The following NRXN1 variants were observed in gnomAD, a reference collection of about 807,000 sequenced individuals.
NRXN1 encodes the protein neurexin-1.
A neutral mutation model predicts 150.9 loss-of-function variants in NRXN1; 39 were observed. The ratio of observed to expected loss-of-function variants is 0.26; its 90% CI spans 0.20 to 0.34. The LOEUF is 0.34. Among genes scored for constraint, NRXN1 ranks in the 10% least tolerant of loss-of-function variants. The probability of loss-of-function intolerance (pLI) is 1.00; values close to 1 mark genes in which losing one functional copy is unlikely to be tolerated. For synonymous variants in NRXN1, 924 were observed against 757.0 expected, an observed-to-expected ratio of 1.22 and a Z score of -3.62; for missense variants, 1,815 against 1,949.9, an observed-to-expected ratio of 0.93 and a Z score of 1.30.
At chr2:50,694,369 G>C (rs985752641) in intron 5 of NRXN1, among the ~76,000 whole-genome samples, 1 of 151,992 alleles carries the variant, frequency 6.6e-6, no homozygotes, top group African/African-American at 2.4e-5. Flanking sequence ...TTAATGTATG[G>C]GTGAATATAT....
chr2:50,433,392 C>G (rs962902629), intron 17 of NRXN1, among the ~76,000 whole-genome samples: 2 of 152,112 alleles, frequency 1.3e-5, no homozygotes, highest in Non-Finnish European at 2.9e-5. Context: ...CATGTATGTT[C>G]TGTACTCAGC....
Position 50,531,414 on chromosome 2 carries a change from G to A in NRXN1, c.2160C>T (p.Ser720=). 1 of 1,611,128 alleles carries A rather than the reference G, an allele frequency of 6.2e-7. No individual in the cohort carries two copies. Reference sequence around the variant, plus strand: ...TTTTCATAAACATGCTCCCATCATAGCTCAAAACCGTTGCCTCTAGAGATG... The same window carrying A: ...TTTTCATAAACATGCTCCCATCATAACTCAAAACCGTTGCCTCTAGAGATG... ...RSCEREATVL[S]YDGSMFMKIQ... The change falls in exon 11 of 23, where the codon AGC becomes AGT. Residue 720 remains serine (S), a synonymous_variant. Coordinates refer to ENST00000401669, the MANE Select transcript of NRXN1 (RefSeq NM_001330078.2).
At position 51,026,110 on chromosome 2, in the gene NRXN1, A is replaced by G. The variant is rs75809661; in HGVS notation, c.772+1392T>C. Among the ~76,000 whole-genome samples the G allele has an allele frequency of 0.039, 5,872 of 152,306 alleles. 292 individuals carry two copies. The highest frequency in any genetic ancestry group is 0.25 in the East Asian group (1,301 of 5,170). ...AAGTGAGAGAGAACTGCCAACTCTA[A>G]TAAGATTTACAAAGGCTAGTTCCCC... On this transcript the variant is annotated intron_variant, in intron 2 of 22. Transcript: ENST00000401669.
chr2:50,948,150 T>C (rs997922177), intron 2 of NRXN1, among the ~76,000 whole-genome samples: 3 of 152,018 alleles, frequency 2.0e-5, no homozygotes, highest in Admixed American at 2.0e-4. Context: ...GCCATTTGTC[T>C]CTAAATACAC....
intron 17 of NRXN1, among the ~76,000 whole-genome samples, chr2:50,460,441 G>C (rs2104604603): frequency 6.6e-6 from 1 of 152,112 alleles, no homozygotes; most frequent in South Asian, 2.1e-4. Context: ...TTCAAATACA[G>C]CATTACTCTA....
chr2:50,519,337 G>C lies in NRXN1; in HGVS notation c.2374+9288C>G, dbSNP rs1573371084. Among the ~76,000 whole-genome samples, 7 of 151,942 alleles carry C rather than the reference G, an allele frequency of 4.6e-5. 1 individual carries two copies. Among genetic ancestry groups the C allele is most frequent in the Admixed American group, 4.6e-4 (7 of 15,246 alleles). ...TTATTAAGCTAGCTTTTAGTCAGTG[G>C]CTTGAATTCTATGATTCTCTTTGAC... On this transcript the variant is annotated intron_variant, in intron 12 of 22. Coordinates refer to ENST00000401669, the MANE Select transcript of NRXN1 (RefSeq NM_001330078.2).
At chr2:50,202,163 G>GA (rs1295542462) in intron 18 of NRXN1, among the ~76,000 whole-genome samples, 1 of 152,164 alleles carries the variant, frequency 6.6e-6, no homozygotes, top group African/African-American at 2.4e-5. Flanking sequence ...TACAGCAAAC[G>GA]AAAGGAGGAA....
chr2:50,154,220 A>C lies in NRXN1; in HGVS notation c.3547-62726T>G, dbSNP rs189246149. Among the ~76,000 whole-genome samples, 36 of 151,768 alleles carry C rather than the reference A, an allele frequency of 2.4e-4. No individual in the cohort carries two copies. The East Asian group carries it at 6.4e-3, about 27-fold the overall frequency. On this transcript the variant is annotated intron_variant, in intron 18 of 22. Coordinates refer to ENST00000401669, the MANE Select transcript of NRXN1 (RefSeq NM_001330078.2). ...AATCTACATATAGTTTCTTCAGATA[A>C]AGATCTGAATAAAAAAAAGACTACG... is the stretch of plus-strand genomic sequence containing the variant.
At chr2:50,806,363 ATTATT>A (rs1268866201) in intron 5 of NRXN1, among the ~76,000 whole-genome samples, 1 of 152,136 alleles carries the variant, frequency 6.6e-6, no homozygotes, top group Non-Finnish European at 1.5e-5. Context: ...CCTATATTTC[ATTATT>A]TTGTTAGTAA....
chr2:50,274,683 T>C (rs1279415009), intron 17 of NRXN1, among the ~76,000 whole-genome samples: 1 of 152,154 alleles, frequency 6.6e-6, no homozygotes, highest in African/African-American at 2.4e-5. Context: ...TCTGAAGATA[T>C]TGCCTCCATT....
intron 22 of NRXN1, among the ~76,000 whole-genome samples, chr2:49,938,391 A>G (rs6758043): frequency 0.17 from 26,531 of 152,128 alleles, 2,579 homozygotes; most frequent in East Asian, 0.3. Context: ...ATCATTGCTT[A>G]TGTAATCTGA....
intron 16 of NRXN1, among the ~76,000 whole-genome samples, chr2:50,472,089 C>T (rs2089534174): frequency 6.6e-6 from 1 of 151,684 alleles, no homozygotes; most frequent in Non-Finnish European, 1.5e-5. Context: ...GATATACCTC[C>T]CATTTTACAT....
At chr2:50,613,229 C>T (rs1678480681) in intron 8 of NRXN1, among the ~76,000 whole-genome samples, 1 of 152,186 alleles carries the variant, frequency 6.6e-6, no homozygotes. Flanking sequence ...CTAAACCAGC[C>T]TCTCTCTGAG....
chr2:50,525,771 C>G (rs2092934803), intron 12 of NRXN1, among the ~76,000 whole-genome samples: 1 of 152,190 alleles, frequency 6.6e-6, no homozygotes, highest in African/African-American at 2.4e-5. Flanking sequence ...AAAAGAGGCT[C>G]TCTTCTTCCA....
At chr2:50,355,246 TATATATATAC>T (rs2078709338) in intron 17 of NRXN1, among the ~76,000 whole-genome samples, 1 of 145,424 alleles carries the variant, frequency 6.9e-6, no homozygotes, top group African/African-American at 2.6e-5. Context: ...ATATAAATTA[TATATATATAC>T]ATATATATAC....
intron 8 of NRXN1, among the ~76,000 whole-genome samples, chr2:50,555,786 A>G (rs949206372): frequency 2.6e-5 from 4 of 152,284 alleles, no homozygotes; most frequent in Non-Finnish European, 5.9e-5. Flanking sequence ...ATTTTGCCCT[A>G]TTTCTCTAGA....
intron 5 of NRXN1, among the ~76,000 whole-genome samples, chr2:50,863,407 G>T (rs1344847852): frequency 1.3e-5 from 2 of 151,914 alleles, no homozygotes; most frequent in East Asian, 1.9e-4. Flanking sequence ...CAGCTGAGTG[G>T]GTTTGTGTGT....
At chr2:50,219,359 G>GA (rs34949214) in intron 18 of NRXN1, among the ~76,000 whole-genome samples, 19,587 of 143,636 alleles carry the variant, frequency 0.14, 1,607 homozygotes, top group Admixed American at 0.25. Context: ...CTGTTTTGGG[G>GA]AAAAAAAAAA....
chr2:50,081,375 G>A lies in NRXN1; in HGVS notation c.3718+9948C>T, dbSNP rs150558933. ...GGGTGGATCACGAGGTCAAGAGATC[G>A]CGACCATCCTGGTCAACGTGGTGAA... On this transcript the variant is annotated intron_variant, in intron 19 of 22. Transcript: ENST00000401669. 5.9e-3 allele frequency among the ~76,000 whole-genome samples: 901 copies of A among 152,164 alleles called. 11 individuals carry two copies. The highest frequency in any genetic ancestry group is 0.021 in the African/African-American group (861 of 41,502).
Sources: gnomAD v4.1 joint callset for allele counts (sites outside exome capture counted in the v4.1 genomes callset) on GRCh38, gnomAD v4.1.1 for gene constraint, MANE v1.5 for transcripts, NCBI Gene and HGNC (gene_info 2026-07-23, HGNC 2026-07-21) for gene names.